Variants in VAV2 observed in about 807,000 individuals in gnomAD.
The protein encoded by VAV2 is vav guanine nucleotide exchange factor 2, also known as guanine nucleotide exchange factor VAV2.
Under a neutral mutation model 132.5 loss-of-function variants are expected in VAV2, and 67 were observed. The observed-to-expected ratio is 0.51, with a 90% CI of 0.42 to 0.62. The LOEUF is 0.62. VAV2 is among the 20% of genes least tolerant of loss of function. The probability of loss-of-function intolerance (pLI) is 0.00; values close to 1 mark genes in which losing one functional copy is unlikely to be tolerated. For missense variants in VAV2, 938 were observed against 1,153.6 expected (o/e 0.81, Z 2.71); for synonymous variants, 492 against 443.5 (o/e 1.11, Z -1.37).
intron 2 of VAV2, among the ~76,000 whole-genome samples, chr9:133,936,140 G>A (rs997339250): frequency 1.3e-5 from 2 of 152,096 alleles, no homozygotes; most frequent in Non-Finnish European, 2.9e-5. Context: ...GGGCGAGGCC[G>A]CACCCTGGGA....
In VAV2 at chr9:133,783,877, GTTT is replaced by G. The variant is rs56069048; in HGVS notation, c.1635-289_1635-287del. Reference sequence around the variant, plus strand: ...GAAACTCTAAGGGCTTGGCTGGGCCGTTTTTTTTTTTTTTTTTTTTGGAGACAG... The same window carrying G: ...GAAACTCTAAGGGCTTGGCTGGGCCGTTTTTTTTTTTTTTTTTGGAGACAG... On this transcript the variant is annotated intron_variant, in intron 18 of 29. Coordinates refer to ENST00000371850, the MANE Select transcript of VAV2 (RefSeq NM_001134398.2). Among the ~76,000 whole-genome samples, 762 of 85,122 alleles carry G rather than the reference GTTT, an allele frequency of 9.0e-3. 10 individuals are homozygous for G. Among genetic ancestry groups the G allele is most frequent in the Admixed American group, 0.058 (461 of 7,914 alleles). 55.8% of individuals were successfully genotyped at this position (85,122 alleles called of 152,430 possible). A position where few individuals can be genotyped will look rare whatever the true frequency, so the allele number is the denominator to read the frequency against.
In VAV2 at chr9:133,966,451, A is replaced by G. The variant is rs192942122; in HGVS notation, c.204+25624T>C. On this transcript the variant is annotated intron_variant, in intron 1 of 29. Transcript: ENST00000371850. ...TCCAGCGAGGTGGCTCATGCCTATA[A>G]TCCCAACACTTTGAGAGGCCGAGGC... 2.0e-3 allele frequency among the ~76,000 whole-genome samples: 305 copies of G among 152,398 alleles called. 1 individual carries two copies. Among genetic ancestry groups the G allele is most frequent in the African/African-American group, 7.2e-3 (298 of 41,602 alleles).
At chr9:133,944,962 G>C (rs1307205535) in intron 1 of VAV2, among the ~76,000 whole-genome samples, 1 of 152,222 alleles carries the variant, frequency 6.6e-6, no homozygotes, top group African/African-American at 2.4e-5. Flanking sequence ...GCGTCTCGGT[G>C]CGCTGACTCA....
At chr9:133,908,366 C>T (rs1744331267) in intron 2 of VAV2, among the ~76,000 whole-genome samples, 1 of 152,116 alleles carries the variant, frequency 6.6e-6, no homozygotes, top group African/African-American at 2.4e-5. Context: ...GCTGAAACCC[C>T]CCATGCGAGG....
intron 9 of VAV2, among the ~76,000 whole-genome samples, chr9:133,798,566 C>T (rs1834811550): frequency 6.6e-6 from 1 of 152,212 alleles, no homozygotes; most frequent in Non-Finnish European, 1.5e-5. Context: ...ACCCAGGGTT[C>T]CCGGCCTCTG....
intron 1 of VAV2, among the ~76,000 whole-genome samples, chr9:133,974,542 G>A (rs72764864): frequency 0.19 from 28,381 of 152,088 alleles, 2,980 homozygotes; most frequent in African/African-American, 0.28. Flanking sequence ...ATCCACCCGG[G>A]GGACGGGGAG....
chr9:133,787,333 C>T lies in VAV2; in HGVS notation c.1408-73G>A, dbSNP rs561111446. The stretch of plus-strand genomic sequence containing the variant: ...CTAAGCCCGGCCCTGTGGTGGGTGC[C>T]GCAGTGTGGAGGCGCCAGGAGCCCT... On this transcript the variant is annotated intron_variant, in intron 15 of 29. Coordinates refer to ENST00000371850, the MANE Select transcript of VAV2 (RefSeq NM_001134398.2). 4.2e-5 allele frequency: 61 copies of T among 1,464,452 alleles called. No individual in the cohort carries two copies. In the South Asian group the frequency reaches 7.6e-4, roughly 18 times the overall value. The allele number at this position is 1,464,452 out of a possible 1,614,324, so 90.7% of individuals were successfully genotyped here. A position where few individuals can be genotyped will look rare whatever the true frequency, so the allele number is the denominator to read the frequency against.
chr9:133,878,057 T>C (rs549085093), intron 2 of VAV2, among the ~76,000 whole-genome samples: 2 of 152,012 alleles, frequency 1.3e-5, no homozygotes, highest in Non-Finnish European at 2.9e-5. Context: ...TGTCTGACGG[T>C]GAAGGAGGGT....
intron 19 of VAV2, among the ~76,000 whole-genome samples, chr9:133,783,192 CGT>C (rs1377390967): frequency 1.3e-5 from 2 of 152,220 alleles, no homozygotes; most frequent in Admixed American, 1.3e-4. Context: ...TGTTCTGTGC[CGT>C]GTTTGGGGGT....
Position 133,900,801 on chromosome 9 carries a change from T to G in VAV2, c.321+38302A>C, listed in dbSNP as rs868797736. Reference sequence around the variant, plus strand: ...TTTATTTATTTATTTATTTATTTATTTATTTATGTATTTTTGAGACAGGGT... The same window carrying G: ...TTTATTTATTTATTTATTTATTTATGTATTTATGTATTTTTGAGACAGGGT... On this transcript the variant is annotated intron_variant, in intron 2 of 29. Coordinates refer to ENST00000371850, the MANE Select transcript of VAV2 (RefSeq NM_001134398.2). Among the ~76,000 whole-genome samples, 8 of 130,908 alleles carry G rather than the reference T, an allele frequency of 6.1e-5. No homozygotes were observed. In the East Asian group the frequency reaches 9.5e-4, roughly 16 times the overall value. 85.9% of individuals were successfully genotyped at this position (130,908 alleles called of 152,430 possible).
At chr9:133,982,724 T>G (rs561009531) in intron 1 of VAV2, among the ~76,000 whole-genome samples, 1 of 152,370 alleles carries the variant, frequency 6.6e-6, no homozygotes, top group South Asian at 2.1e-4. Flanking sequence ...CGCCTGGTTT[T>G]GTACATCCTG....
rs531943465 is a variant in VAV2 at position 133,784,520 on chromosome 9, C to T, written c.1533-102G>A. On this transcript the variant is annotated intron_variant, in intron 17 of 29. Transcript: ENST00000371850. ...AGCTGGGCTCCGGACCCAGGCTGTG[C>T]AGAATCCGAGAGGGCCTGGACTCCA... The T allele has an allele frequency of 2.9e-5, 38 of 1,305,214 alleles. 1 individual carries two copies. In the South Asian group the frequency reaches 3.0e-4, roughly 10 times the overall value. 80.9% of individuals were successfully genotyped at this position (1,305,214 alleles called of 1,614,324 possible). A position where few individuals can be genotyped will look rare whatever the true frequency, so the allele number is the denominator to read the frequency against.
chr9:133,797,640 C>T (rs1564357759), intron 10 of VAV2, 70 bp downstream of exon 10: 1 of 1,359,046 alleles, frequency 7.4e-7, no homozygotes, highest in Non-Finnish European at 1.0e-6. Context: ...GAGGCTGGTA[C>T]CTAACGAGCT....
chr9:133,813,319 C>T (rs757027520), intron 4 of VAV2, among the ~76,000 whole-genome samples: 4 of 152,218 alleles, frequency 2.6e-5, no homozygotes, highest in African/African-American at 4.8e-5. Flanking sequence ...CGCAGGGAGG[C>T]GAGGCAGGGA....
intron 1 of VAV2, among the ~76,000 whole-genome samples, chr9:133,947,789 C>T (rs1379719386): frequency 6.6e-6 from 1 of 151,862 alleles, no homozygotes; most frequent in East Asian, 1.9e-4. Context: ...CGCGCTATGG[C>T]CTTTGTGAGT....
intron 7 of VAV2, among the ~76,000 whole-genome samples, 193 bp from the exon 8 acceptor site, chr9:133,807,519 G>A (rs1203436038): frequency 6.6e-6 from 1 of 152,212 alleles, no homozygotes; most frequent in Non-Finnish European, 1.5e-5. Flanking sequence ...AAGGTGCGGG[G>A]GTAAAGATTC....
In VAV2 at chr9:133,944,576, G is replaced by A. The variant is rs144677042; in HGVS notation, c.205-5357C>T. Among the ~76,000 whole-genome samples, 32 of 152,358 alleles carry A rather than the reference G, an allele frequency of 2.1e-4. 1 individual carries two copies. Among genetic ancestry groups the A allele is most frequent in the African/African-American group, 7.2e-4 (30 of 41,588 alleles). ...TCACCACCTGCAGAGCCTGTGAGGT[G>A]TGCACTGGCCCACTGCACAGACAGA... On this transcript the variant is annotated intron_variant, in intron 1 of 29. Coordinates refer to ENST00000371850, the MANE Select transcript of VAV2 (RefSeq NM_001134398.2).
chr9:133,930,980 C>A (rs1014446729), intron 2 of VAV2, among the ~76,000 whole-genome samples: 1 of 152,200 alleles, frequency 6.6e-6, no homozygotes, highest in Admixed American at 6.5e-5. Context: ...GGAAGGTGCG[C>A]GCTGCTCTTT....
intron 9 of VAV2, among the ~76,000 whole-genome samples, chr9:133,799,641 T>C (rs1057126892): frequency 6.6e-6 from 1 of 152,282 alleles, no homozygotes; most frequent in East Asian, 1.9e-4. Context: ...GTGTGTTGAC[T>C]GGGAGCCACT....
Sources: gnomAD v4.1 joint callset for allele counts (sites outside exome capture counted in the v4.1 genomes callset) on GRCh38, gnomAD v4.1.1 for gene constraint, MANE v1.5 for transcripts, NCBI Gene and HGNC (gene_info 2026-07-23, HGNC 2026-07-21) for gene names.